The following NCOR2 variants were observed in gnomAD, a reference collection of about 807,000 sequenced individuals.
The protein encoded by NCOR2 is nuclear receptor corepressor 2.
In NCOR2, 81 loss-of-function variants were observed where a neutral mutation model predicts 262.9. That is an observed-to-expected ratio of 0.31 (90% CI 0.26 to 0.37). The LOEUF (loss-of-function observed/expected upper bound fraction) is 0.37, where lower values mean the gene tolerates loss of function less well. Ranked by LOEUF, NCOR2 falls within the 10% of genes least tolerant of loss-of-function variation. The probability of loss-of-function intolerance (pLI) is 1.00; values close to 1 mark genes in which losing one functional copy is unlikely to be tolerated. For missense variants in NCOR2, 3,385 were observed against 3,621.4 expected, an observed-to-expected ratio of 0.93 and a Z score of 1.68; for synonymous variants, 1,659 against 1,559.3, an observed-to-expected ratio of 1.06 and a Z score of -1.51.
At chr12:124,478,085 C>A (rs924085027) in intron 3 of NCOR2, among the ~76,000 whole-genome samples, 12 of 152,128 alleles carry the variant, frequency 7.9e-5, no homozygotes. Flanking sequence ...GCTAGAAATG[C>A]GGAGAGGAGG....
chr12:124,387,370 CT>C (rs145241168), intron 16 of NCOR2, among the ~76,000 whole-genome samples: 198 of 152,336 alleles, frequency 1.3e-3, no homozygotes, highest in African/African-American at 4.5e-3. Context: ...TTGCAAAGCC[CT>C]TCAAAGACTT....
At chr12:124,533,422 T>C (rs1463243849) in intron 1 of NCOR2, among the ~76,000 whole-genome samples, 2 of 151,870 alleles carry the variant, frequency 1.3e-5, no homozygotes, top group Admixed American at 1.3e-4. Flanking sequence ...AAGGCCACCT[T>C]CTCAGGGAGG....
At chr12:124,441,742 C>A (rs1303824504) in intron 7 of NCOR2, among the ~76,000 whole-genome samples, 1 of 152,196 alleles carries the variant, frequency 6.6e-6, no homozygotes, top group African/African-American at 2.4e-5. Flanking sequence ...CTTGGTGACT[C>A]CCTAGTAAAG....
chr12:124,507,683 G>C (rs557761570), intron 1 of NCOR2, among the ~76,000 whole-genome samples: 1 of 152,266 alleles, frequency 6.6e-6, no homozygotes, highest in Non-Finnish European at 1.5e-5. Context: ...CTCAAGGCCA[G>C]GGCCCAGGGA....
At position 124,531,713 on chromosome 12, in the gene NCOR2, G is replaced by A. The variant is rs889523206; in HGVS notation, c.-118+3852C>T. On this transcript the variant is annotated intron_variant, in intron 1 of 46. Transcript: ENST00000404621. The surrounding 1 kb of genome is among the most constrained non-coding windows in gnomAD (Gnocchi z 4.5). Reference sequence around the variant, plus strand: ...GCCCCGTCCAACTGGGGTTAAAGCCGGTCCTCCCAGAGCCCCCGAGAGGTG... The same window carrying A: ...GCCCCGTCCAACTGGGGTTAAAGCCAGTCCTCCCAGAGCCCCCGAGAGGTG... Among the ~76,000 whole-genome samples the A allele has an allele frequency of 2.0e-5, 3 of 151,912 alleles. No individual in the cohort carries two copies. In the East Asian group the frequency reaches 5.8e-4, roughly 29 times the overall value.
rs58967881 is a variant in NCOR2, at chr12:124,325,377, G to GCCCCCCCCCCCC, written c.*24_*25insGGGGGGGGGGGG. On this transcript the variant is annotated 3_prime_UTR_variant, in exon 47 of 47. Coordinates refer to ENST00000405201, the Ensembl canonical transcript of NCOR2. ...CTGTGGCTCGCTGGGACCTGACACC[G>GCCCCCCCCCCCC]CCCCCCCCCCCGCCCTGTTCTGAGT... is the stretch of plus-strand genomic sequence containing the variant. 107 of 251,076 alleles carry GCCCCCCCCCCCC rather than the reference G, an allele frequency of 4.3e-4. 6 individuals are homozygous for GCCCCCCCCCCCC. Among genetic ancestry groups the GCCCCCCCCCCCC allele is most frequent in the Middle Eastern group, 1.8e-3 (1 of 554 alleles). The allele number at this position is 251,076 out of a possible 1,614,324, so 15.6% of individuals were successfully genotyped here. A position where few individuals can be genotyped will look rare whatever the true frequency, so the allele number is the denominator to read the frequency against.
intron 5 of NCOR2, among the ~76,000 whole-genome samples, chr12:124,462,470 C>T (rs1323163649): frequency 2.6e-5 from 4 of 152,252 alleles, no homozygotes; most frequent in Admixed American, 6.5e-5. Context: ...CCATGAGCCC[C>T]GTGCAGAGCT....
At chr12:124,520,097 G>A (rs1237867139) in intron 1 of NCOR2, among the ~76,000 whole-genome samples, 1 of 152,216 alleles carries the variant, frequency 6.6e-6, no homozygotes, top group African/African-American at 2.4e-5. Context: ...TGGCTGCGGA[G>A]GCCCCTGGAA....
intron 1 of NCOR2, among the ~76,000 whole-genome samples, chr12:124,545,464 C>T (rs2051511267): frequency 6.6e-6 from 1 of 152,206 alleles, no homozygotes; most frequent in African/African-American, 2.4e-5. Context: ...CAGCTTTCAG[C>T]CCCTGGTGTC....
At chr12:124,542,348 A>G (rs1310222130) in intron 1 of NCOR2, among the ~76,000 whole-genome samples, 2 of 152,242 alleles carry the variant, frequency 1.3e-5, no homozygotes, top group Non-Finnish European at 2.9e-5. Flanking sequence ...ACCGGCCACA[A>G]CAGCCACACC....
chr12:124,464,353 C>T (rs1324488566), intron 5 of NCOR2, among the ~76,000 whole-genome samples: 1 of 152,156 alleles, frequency 6.6e-6, no homozygotes, highest in African/African-American at 2.4e-5. Flanking sequence ...CTGCTCTCCA[C>T]CGAGGATCAG....
chr12:124,327,485 A>G, exon 45 of NCOR2: 1 of 1,613,680 alleles, frequency 6.2e-7, no homozygotes, highest in South Asian at 1.1e-5. Flanking sequence ...TGGCACTGGC[A>G]TTCAGAGGGT....
At chr12:124,508,077 G>T (rs1448557735) in intron 1 of NCOR2, among the ~76,000 whole-genome samples, 1 of 152,174 alleles carries the variant, frequency 6.6e-6, no homozygotes, top group African/African-American at 2.4e-5. Context: ...AGCGTCCAGG[G>T]CGACAGAGCC....
chr12:124,537,859 G>C (rs1239289357), upstream of NCOR2: 1 of 152,280 alleles, frequency 6.6e-6, no homozygotes, highest in Non-Finnish European at 1.5e-5. Context: ...TCTTTTTTAA[G>C]CGTTTTTTTC....
rs749779997 is a variant in NCOR2 at position 124,385,694 on chromosome 12, G to A, written c.2019+51C>T. On this transcript the variant is annotated intron_variant, in intron 17 of 46. Transcript: ENST00000405201. ...AGAGACATCTCCTGAGGCAGTCTGG[G>A]CTCCTCTCCCAGCTTCCCAGAGGCG... 4 of 1,601,244 alleles carry A rather than the reference G, an allele frequency of 2.5e-6. No homozygotes were observed. In the South Asian group the frequency reaches 3.4e-5, roughly 13 times the overall value.
intron 1 of NCOR2, among the ~76,000 whole-genome samples, chr12:124,558,936 G>C (rs938266680): frequency 5.3e-5 from 8 of 152,148 alleles, no homozygotes; most frequent in African/African-American, 1.9e-4. Context: ...CAGACCTGTG[G>C]GTCCCCCCAG....
intron 1 of NCOR2, among the ~76,000 whole-genome samples, chr12:124,506,916 T>C (rs1022202871): frequency 1.3e-5 from 2 of 152,160 alleles, no homozygotes. Flanking sequence ...GTGGCTGAGC[T>C]GGGGCTGAGC....
intron 15 of NCOR2, among the ~76,000 whole-genome samples, chr12:124,399,077 G>T (rs1309279200): frequency 6.6e-6 from 1 of 152,176 alleles, no homozygotes; most frequent in Non-Finnish European, 1.5e-5. Context: ...GGGGGAGTAT[G>T]TGTCCAACAG....
At chr12:124,327,676 G>A (rs1233828054) in intron 44 of NCOR2, 43 bp from the exon 47 acceptor site, 22 of 1,481,940 alleles carry the variant, frequency 1.5e-5, no homozygotes, top group African/African-American at 6.9e-5. Context: ...CATGGGGGCC[G>A]GGGAGGGGGA....
Sources: gnomAD v4.1 joint callset for allele counts (sites outside exome capture counted in the v4.1 genomes callset) on GRCh38, gnomAD v4.1.1 for gene constraint, Gnocchi (gnomAD v3.1) non-coding constraint, MANE v1.5 for transcripts, NCBI Gene and HGNC (gene_info 2026-07-23, HGNC 2026-07-21) for gene names.